Variants in FAF1 observed in about 807,000 individuals in gnomAD.
FAF1 encodes FAS-associated factor 1.
In FAF1, 25 loss-of-function variants were observed where a neutral mutation model predicts 92.5. That is an observed-to-expected ratio of 0.27 (90% CI 0.20 to 0.38). The LOEUF is 0.38. Among genes scored for constraint, FAF1 ranks in the 10% least tolerant of loss-of-function variants. FAF1 has a pLI of 1.00. For synonymous variants in FAF1, 234 were observed against 273.2 expected (o/e 0.86, Z 1.42); for missense variants, 636 against 793.3 (o/e 0.80, Z 2.38).
chr1:50,879,309 T>C (rs1644593807), intron 1 of FAF1, among the ~76,000 whole-genome samples: 1 of 152,320 alleles, frequency 6.6e-6, no homozygotes, highest in South Asian at 2.1e-4. Flanking sequence ...AATTCATCTA[T>C]GACTGGTTAC....
rs1646154716 is a variant in FAF1 at position 50,440,208 on chromosome 1, A to C, written c.*1232T>G. ...GAGAAATATTTCAAGACTAAAAATA[A>C]ATCATTGGCTGTGAAGGTATAAACG... On this transcript the variant is annotated 3_prime_UTR_variant, in exon 19 of 19. Coordinates refer to ENST00000396153, the MANE Select transcript of FAF1 (RefSeq NM_007051.3). The C allele has an allele frequency of 1.3e-5, 2 of 152,196 alleles. No individual in the cohort carries two copies. The highest frequency in any genetic ancestry group is 4.8e-5 in the African/African-American group (2 of 41,446). 9.4% of individuals were successfully genotyped at this position (152,196 alleles called of 1,614,324 possible). A position where few individuals can be genotyped will look rare whatever the true frequency, so the allele number is the denominator to read the frequency against.
intron 1 of FAF1, among the ~76,000 whole-genome samples, chr1:50,917,921 GACTTCATTTACATGAAGTCC>G (rs1327569715): frequency 2.0e-5 from 3 of 152,120 alleles, no homozygotes; most frequent in African/African-American, 7.2e-5. Context: ...CATGCTGTAT[GACTTCATTTACATGAAGTCC>G]AATAACAGGC....
intron 1 of FAF1, among the ~76,000 whole-genome samples, chr1:50,858,417 T>C (rs1644407014): frequency 6.6e-6 from 1 of 151,736 alleles, no homozygotes; most frequent in South Asian, 2.1e-4. Context: ...TCGAAAACTA[T>C]AAAACTAGAT....
intron 4 of FAF1, among the ~76,000 whole-genome samples, chr1:50,782,563 T>C (rs955435955): frequency 6.6e-6 from 1 of 152,134 alleles, no homozygotes; most frequent in African/African-American, 2.4e-5. Context: ...TTTTTTAAAG[T>C]AGAGACAAGG....
At chr1:50,902,812 ATTATTT>A (rs755891843) in intron 1 of FAF1, among the ~76,000 whole-genome samples, 61 of 152,212 alleles carry the variant, frequency 4.0e-4, no homozygotes, top group Non-Finnish European at 8.1e-4. Context: ...TTTTATATAT[ATTATTT>A]TTATTGTGTT....
chr1:50,810,169 T>C lies in FAF1; in HGVS notation c.115-8492A>G, dbSNP rs978628984. 3.3e-5 allele frequency among the ~76,000 whole-genome samples: 5 copies of C among 152,092 alleles called. No individual in the cohort carries two copies. The South Asian group carries it at 1.0e-3, about 32-fold the overall frequency. On this transcript the variant is annotated intron_variant, in intron 2 of 18. Transcript: ENST00000396153. The stretch of plus-strand genomic sequence containing the variant: ...ACTTGGGAGGCTGATGCAGGAGAAA[T>C]GCTTGAACCTGGGAGACAGAGGTTG...
intron 1 of FAF1, among the ~76,000 whole-genome samples, chr1:50,882,850 G>A (rs1644625039): frequency 6.6e-6 from 1 of 151,920 alleles, no homozygotes; most frequent in Non-Finnish European, 1.5e-5. Flanking sequence ...GCTGGGCATG[G>A]TGGCAGGCAC....
At chr1:50,764,464 C>T (rs1009133567) in intron 4 of FAF1, among the ~76,000 whole-genome samples, 1 of 152,212 alleles carries the variant, frequency 6.6e-6, no homozygotes, top group African/African-American at 2.4e-5. Context: ...GAGCCCTATA[C>T]ATTCCAATCT....
At chr1:50,915,600 G>A (rs1339108543) in intron 1 of FAF1, among the ~76,000 whole-genome samples, 1 of 151,890 alleles carries the variant, frequency 6.6e-6, no homozygotes, top group Non-Finnish European at 1.5e-5. Context: ...AGGAGGCAGA[G>A]GTAAGGCAGG....
chr1:50,670,097 G>A (rs1655803874), intron 7 of FAF1, among the ~76,000 whole-genome samples: 1 of 148,068 alleles, frequency 6.8e-6, no homozygotes, highest in Non-Finnish European at 1.5e-5. Flanking sequence ...CTCCAGCCTG[G>A]GCAACAAGAG....
intron 17 of FAF1, among the ~76,000 whole-genome samples, chr1:50,485,900 A>T (rs1222428715): frequency 6.6e-6 from 1 of 152,034 alleles, no homozygotes; most frequent in African/African-American, 2.4e-5. Context: ...CACATTTTTA[A>T]TCCATCAGAT....
At chr1:50,683,760 C>G (rs1656529027) in intron 7 of FAF1, among the ~76,000 whole-genome samples, 1 of 151,704 alleles carries the variant, frequency 6.6e-6, no homozygotes, top group Non-Finnish European at 1.5e-5. Context: ...CGGAGAAACC[C>G]CGTCTCTACT....
chr1:50,605,739 G>T (rs1206683209), intron 8 of FAF1, among the ~76,000 whole-genome samples: 1 of 152,098 alleles, frequency 6.6e-6, no homozygotes, highest in Non-Finnish European at 1.5e-5. Flanking sequence ...CAGTAAGAAG[G>T]GTGAGGGGGA....
At chr1:50,562,819 C>G (rs1359002248) in intron 13 of FAF1, among the ~76,000 whole-genome samples, 11 of 152,170 alleles carry the variant, frequency 7.2e-5, no homozygotes, top group Admixed American at 7.2e-4. Flanking sequence ...AATGAACAAA[C>G]ATAAGAAACA....
At chr1:50,637,209 G>T (rs775499455) in intron 8 of FAF1, among the ~76,000 whole-genome samples, 2 of 150,366 alleles carry the variant, frequency 1.3e-5, no homozygotes, top group African/African-American at 2.5e-5. Flanking sequence ...GCCAAGGCAG[G>T]TGGATCACCT....
At chr1:50,645,831 A>G (rs1232915907) in intron 8 of FAF1, among the ~76,000 whole-genome samples, 2 of 125,784 alleles carry the variant, frequency 1.6e-5, no homozygotes, top group African/African-American at 6.8e-5. Flanking sequence ...CCGTCTAAAA[A>G]AAGAAAAAAA....
chr1:50,895,221 A>C (rs1644749462), intron 1 of FAF1, among the ~76,000 whole-genome samples: 1 of 152,198 alleles, frequency 6.6e-6, no homozygotes. Flanking sequence ...GGATCATTAG[A>C]GGCTACCATG....
At chr1:50,693,878 C>T (rs1657050420) in intron 7 of FAF1, among the ~76,000 whole-genome samples, 1 of 151,508 alleles carries the variant, frequency 6.6e-6, no homozygotes, top group South Asian at 2.1e-4. Context: ...CACATAATGA[C>T]CAAATTTTAG....
At chr1:50,702,295 C>T (rs1030513019) in intron 7 of FAF1, among the ~76,000 whole-genome samples, 2 of 151,984 alleles carry the variant, frequency 1.3e-5, no homozygotes, top group African/African-American at 4.8e-5. Flanking sequence ...GTGAGAATTA[C>T]TAGAATCTGC....
Sources: gnomAD v4.1 joint callset for allele counts (sites outside exome capture counted in the v4.1 genomes callset) on GRCh38, gnomAD v4.1.1 for gene constraint, MANE v1.5 for transcripts, NCBI Gene and HGNC (gene_info 2026-07-23, HGNC 2026-07-21) for gene names.